Variants in MAP9 observed in about 807,000 individuals in gnomAD.
MAP9 encodes microtubule-associated protein 9.
In MAP9, 80 loss-of-function variants were observed where a neutral mutation model predicts 75.2. The ratio of observed to expected loss-of-function variants is 1.06; its 90% CI spans 0.89 to 1.28. The LOEUF is 1.28. MAP9 is among the 50% of genes most tolerant of loss of function. The pLI, the probability that MAP9 is intolerant of heterozygous loss-of-function variation, is 0.00. For missense variants in MAP9, 753 were observed against 719.9 expected, an observed-to-expected ratio of 1.05 and a Z score of -0.53; for synonymous variants, 235 against 237.3, an observed-to-expected ratio of 0.99 and a Z score of 0.09.
At chr4:155,373,560 A>C (rs1732701979) in intron 3 of MAP9, 104 bp from the exon 4 acceptor site, 2 of 697,396 alleles carry the variant, frequency 2.9e-6, no homozygotes, top group African/African-American at 1.9e-5. Flanking sequence ...ACAAAATTCT[A>C]ACAATGAATA....
At chr4:155,362,222 C>A (rs990471121) in intron 5 of MAP9, 81 bp from the exon 6 acceptor site, 39 of 878,622 alleles carry the variant, frequency 4.4e-5, no homozygotes, top group Non-Finnish European at 6.3e-5. Flanking sequence ...ATTAAAACTA[C>A]AAATTGAAAT....
In MAP9 at chr4:155,364,455, T is replaced by C. The variant is rs1192289598; in HGVS notation, c.709-2314A>G. On this transcript the variant is annotated intron_variant, in intron 5 of 13. Coordinates refer to ENST00000311277, the MANE Select transcript of MAP9 (RefSeq NM_001039580.2). ...ATGTAATATCTATAAATAGATTATA[T>C]AGATGTTATATATCTATATAATATA... 6.1e-5 allele frequency among the ~76,000 whole-genome samples: 9 copies of C among 148,440 alleles called. 1 individual carries two copies. In the East Asian group the frequency reaches 1.6e-3, roughly 26 times the overall value.
At chr4:155,367,096 C>T (rs760268126) in intron 5 of MAP9, among the ~76,000 whole-genome samples, 2 of 152,148 alleles carry the variant, frequency 1.3e-5, no homozygotes, top group Non-Finnish European at 2.9e-5. Context: ...GTTTAACATA[C>T]GAACATTAAT....
intron 1 of MAP9, chr4:155,376,233 T>C (rs1732836705): frequency 6.3e-6 from 1 of 158,472 alleles, no homozygotes; most frequent in South Asian, 1.9e-4. Flanking sequence ...AGTATAACAT[T>C]GCCTTCAAAA....
In MAP9 at chr4:155,353,484, G is replaced by T. The variant is rs1731620763; in HGVS notation, c.1381-144C>A. ...TACTTAGAAATTAACTTTCAAAGTA[G>T]GTAATTTATTTAGAATGGCTTAGAT... On this transcript the variant is annotated intron_variant, in intron 10 of 13. Coordinates refer to ENST00000311277, the MANE Select transcript of MAP9 (RefSeq NM_001039580.2). The T allele has an allele frequency of 8.7e-6, 6 of 693,400 alleles. No individual in the cohort carries two copies. The East Asian group carries it at 1.7e-4, about 20-fold the overall frequency. 43.0% of individuals were successfully genotyped at this position (693,400 alleles called of 1,614,324 possible).
At position 155,374,962 on chromosome 4, in the gene MAP9, T is replaced by C; in HGVS notation, c.135A>G (p.Ser45=). The stretch of plus-strand genomic sequence containing the variant: ...CAATCTCATCACTGTCAAAGTCATC[T>C]GAGTATTCAGAACTCCTTTGTCTGG... ...RSARQRSSEY[S]DDFDSDEIVS... Residue 45 remains serine (S), a synonymous_variant, in exon 3 of 14, where the codon TCA becomes TCG. Transcript: ENST00000311277. The C allele has an allele frequency of 6.3e-7, 1 of 1,591,268 alleles. No individual in the cohort carries two copies. The highest frequency in any genetic ancestry group is 8.6e-7 in the Non-Finnish European group (1 of 1,162,512).
intron 10 of MAP9, among the ~76,000 whole-genome samples, chr4:155,354,683 C>T (rs1251525625): frequency 1.3e-5 from 2 of 151,876 alleles, no homozygotes; most frequent in East Asian, 1.9e-4. Flanking sequence ...AGGCTGGTGT[C>T]GAACTCCAGA....
At chr4:155,371,252 C>T (rs962646700) in intron 4 of MAP9, among the ~76,000 whole-genome samples, 1 of 151,866 alleles carries the variant, frequency 6.6e-6, no homozygotes, top group African/African-American at 2.4e-5. Context: ...CAATATCTCA[C>T]CACATTAAAA....
intron 5 of MAP9, among the ~76,000 whole-genome samples, chr4:155,365,713 G>GA (rs574031449): frequency 6.4e-4 from 97 of 151,834 alleles, no homozygotes; most frequent in Non-Finnish European, 1.0e-3. Context: ...TATATCTAGA[G>GA]AAAAAACAAG....
rs777055687 is a variant in MAP9 at position 155,373,174 on chromosome 4, G to A, written c.443C>T (p.Pro148Leu). 6.3e-7 allele frequency: 1 copy of A among 1,589,148 alleles called. No individual in the cohort carries two copies. Among genetic ancestry groups the A allele is most frequent in the East Asian group, 2.2e-5 (1 of 44,450 alleles). ...TTTAATTGAAAGAATTCTGGGTTTA[G>A]GTTTCATTTTTATTTTGTCTTTTTC... ...EFEKDKIKMK[P>L]KPRILSIKST... Residue 148 changes from proline (P) to leucine (L), a missense_variant, in exon 4 of 14, where the codon CCT becomes CTT. Coordinates refer to ENST00000311277, the MANE Select transcript of MAP9 (RefSeq NM_001039580.2).
At chr4:155,374,369 AGTTT>A (rs1732742410) in intron 3 of MAP9, among the ~76,000 whole-genome samples, 1 of 152,150 alleles carries the variant, frequency 6.6e-6, no homozygotes, top group Non-Finnish European at 1.5e-5. Context: ...AAAAACACCA[AGTTT>A]AGAATTCTGT....
chr4:155,369,328 TA>T (rs201446447), intron 4 of MAP9, among the ~76,000 whole-genome samples: 55,287 of 104,772 alleles, frequency 0.53, 12,741 homozygotes, highest in African/African-American at 0.67. Flanking sequence ...AAAATCCATC[TA>T]AAAAAAAAAA....
At chr4:155,349,251 G>T (rs1731401721) in intron 13 of MAP9, 2 of 152,582 alleles carry the variant, frequency 1.3e-5, no homozygotes, top group South Asian at 4.1e-4. Context: ...AATATCCATT[G>T]TGACTAAGGC....
intron 4 of MAP9, among the ~76,000 whole-genome samples, chr4:155,371,536 C>G (rs986614781): frequency 2.0e-5 from 3 of 151,308 alleles, no homozygotes; most frequent in Non-Finnish European, 4.4e-5. Context: ...AAAAAAATGC[C>G]TATACTTTAA....
At chr4:155,357,643 T>C (rs989293138) in intron 7 of MAP9, 124 bp from the exon 8 acceptor site, 37 of 640,906 alleles carry the variant, frequency 5.8e-5, no homozygotes, top group African/African-American at 1.9e-4. Context: ...ACAGTAGAAA[T>C]TGGGAGCAAA....
Position 155,352,650 on chromosome 4 carries a change from T to G in MAP9, c.1767A>C (p.Arg589Ser), listed in dbSNP as rs1430391765. 1 of 1,542,584 alleles carries G rather than the reference T, an allele frequency of 6.5e-7. No homozygotes were observed. The highest frequency in any genetic ancestry group is 8.9e-7 in the Non-Finnish European group (1 of 1,129,222). Reference protein sequence around the residue: ...INEKRKEELKRAEKKDKDKQA... With the variant: ...INEKRKEELKSAEKKDKDKQA... ...GTTTATCTTTATCTTTTTTCTCAGCTCTTTTCAGTTCTTCCTTTCTTTTCT... is the reference window on the plus strand; with the variant it reads ...GTTTATCTTTATCTTTTTTCTCAGCGCTTTTCAGTTCTTCCTTTCTTTTCT... The change falls in exon 13 of 14, where the codon AGA becomes AGC. Residue 589 changes from arginine (R) to serine (S), a missense_variant. Arg to Ser is a moderately radical substitution (Grantham distance 110). Transcript: ENST00000311277.
rs551753179 is a variant in MAP9 at position 155,366,098 on chromosome 4, C to T, written c.708+2488G>A. Among the ~76,000 whole-genome samples the T allele has an allele frequency of 3.7e-4, 57 of 152,240 alleles. 2 individuals are homozygous for T. In the South Asian group the frequency reaches 0.01, roughly 27 times the overall value. On this transcript the variant is annotated intron_variant, in intron 5 of 13. Coordinates refer to ENST00000311277, the MANE Select transcript of MAP9 (RefSeq NM_001039580.2). ...AAAAGAGGCCAGGCGCCGTGGCTCA[C>T]GCCTGTAATCCCAACACCTTGGGAG...
At position 155,344,661 on chromosome 4, in the gene MAP9, A is replaced by AT. The variant is rs1011588149; in HGVS notation, c.*3121dup. The AT allele has an allele frequency of 2.0e-5, 3 of 152,100 alleles. No individual in the cohort carries two copies. Among genetic ancestry groups the AT allele is most frequent in the Admixed American group, 6.6e-5 (1 of 15,258 alleles). 9.4% of individuals were successfully genotyped at this position (152,100 alleles called of 1,614,324 possible). A position where few individuals can be genotyped will look rare whatever the true frequency, so the allele number is the denominator to read the frequency against. ...TATGAAGCAAATACAAACCACTGGA[A>AT]TATTTTTATCCCATAAATCGTTACT... On this transcript the variant is annotated 3_prime_UTR_variant, in exon 14 of 14. Coordinates refer to ENST00000311277, the MANE Select transcript of MAP9 (RefSeq NM_001039580.2).
intron 9 of MAP9, 27 bp downstream of exon 9, chr4:155,355,689 T>C (rs6834126): frequency 0.56 from 864,661 of 1,552,390 alleles, 245,861 homozygotes; most frequent in East Asian, 0.81. Context: ...TCATTCTTCT[T>C]CTCTTAAAAA....
Sources: gnomAD v4.1 joint callset for allele counts (sites outside exome capture counted in the v4.1 genomes callset) on GRCh38, gnomAD v4.1.1 for gene constraint, MANE v1.5 for transcripts, NCBI Gene and HGNC (gene_info 2026-07-23, HGNC 2026-07-21) for gene names.